The following PIGN variants were observed in gnomAD, a reference collection of about 807,000 sequenced individuals.
The protein encoded by PIGN is phosphatidylinositol glycan anchor biosynthesis class N.
A neutral mutation model predicts 125.4 loss-of-function variants in PIGN; 117 were observed. The observed-to-expected ratio is 0.93, with a 90% CI of 0.80 to 1.09. PIGN has a LOEUF of 1.09. Among genes scored for constraint, PIGN ranks in the 50% least tolerant of loss-of-function variants. PIGN has a pLI of 0.00. For synonymous variants in PIGN, 392 were observed against 377.8 expected (o/e 1.04, Z -0.44); for missense variants, 1,075 against 1,094.9 (o/e 0.98, Z 0.26).
chr18:62,109,099 GT>G (rs376723952), intron 17 of PIGN, among the ~76,000 whole-genome samples: 17 of 152,256 alleles, frequency 1.1e-4, no homozygotes, highest in South Asian at 4.1e-4. Context: ...CCATGACTAA[GT>G]TTAAATTATA....
intron 14 of PIGN, among the ~76,000 whole-genome samples, chr18:62,121,679 T>C (rs2035311148): frequency 6.6e-6 from 1 of 152,166 alleles, no homozygotes; most frequent in Non-Finnish European, 1.5e-5. Context: ...TCCACTCATG[T>C]TGCTGCCAGT....
Position 62,102,811 on chromosome 18 carries a change from A to ATAGC in PIGN, c.1947_1950dup (p.Leu651AlafsTer20). On this transcript the variant is annotated frameshift_variant, in exon 21 of 31. Coordinates refer to ENST00000640252, the MANE Select transcript of PIGN (RefSeq NM_176787.5). LOFTEE classifies it high-confidence loss of function. ...TAACTGACCTGTAACAGATGTACCA[A>ATAGC]TAGCTCTTCCTTTATAAAGCTATCT... 6.5e-7 allele frequency: 1 copy of ATAGC among 1,535,130 alleles called. No individual in the cohort carries two copies. The highest frequency in any genetic ancestry group is 8.9e-7 in the Non-Finnish European group (1 of 1,125,800).
Position 62,132,942 on chromosome 18 carries a change from TAC to T in PIGN, c.1172+5299_1172+5300del, listed in dbSNP as rs546637335. 3.5e-3 allele frequency among the ~76,000 whole-genome samples: 536 copies of T among 152,300 alleles called. 1 individual carries two copies. The highest frequency in any genetic ancestry group is 6.1e-3 in the Non-Finnish European group (416 of 68,018). ...CCTTCAGTCAAAACCAAATCCCATA[TAC>T]AGATTGTCCCAAACTTATGAGAGTT... On this transcript the variant is annotated intron_variant, in intron 14 of 30. Transcript: ENST00000640252.
At chr18:62,167,018 G>A (rs190040617) in intron 1 of PIGN, among the ~76,000 whole-genome samples, 6 of 152,264 alleles carry the variant, frequency 3.9e-5, no homozygotes, top group Middle Eastern at 3.4e-3. Flanking sequence ...GTATACCTAC[G>A]TAACAAACCT....
chr18:62,045,750 G>T lies in PIGN; in HGVS notation c.*106C>A. On this transcript the variant is annotated 3_prime_UTR_variant, in exon 31 of 31. Coordinates refer to ENST00000640252, the MANE Select transcript of PIGN (RefSeq NM_176787.5). ...TCCAAATACCATTTTCCTTACAGGA[G>T]TAGAATATACTATATATCCATATCC... 1.9e-6 allele frequency: 2 copies of T among 1,064,982 alleles called. No homozygotes were observed. The highest frequency in any genetic ancestry group is 2.7e-6 in the Non-Finnish European group (2 of 740,930). 66.0% of individuals were successfully genotyped at this position (1,064,982 alleles called of 1,614,324 possible).
Position 62,165,752 on chromosome 18 carries a change from G to A in PIGN, c.-235-2096C>T, listed in dbSNP as rs116737905. 1.4e-3 allele frequency among the ~76,000 whole-genome samples: 206 copies of A among 152,262 alleles called. 1 individual carries two copies. Among genetic ancestry groups the A allele is most frequent in the African/African-American group, 4.3e-3 (178 of 41,554 alleles). ...AAATTAAAAGAACAGTGATTCAAGC[G>A]TGAAGGGTGTGGTTAACTGTCAGAT... is the stretch of plus-strand genomic sequence containing the variant. On this transcript the variant is annotated intron_variant, in intron 1 of 30. Coordinates refer to ENST00000640252, the MANE Select transcript of PIGN (RefSeq NM_176787.5).
rs889865588 is a variant in PIGN at position 62,045,745 on chromosome 18, C to T, written c.*111G>A. On this transcript the variant is annotated 3_prime_UTR_variant, in exon 31 of 31. Coordinates refer to ENST00000640252, the MANE Select transcript of PIGN (RefSeq NM_176787.5). Reference sequence around the variant, plus strand: ...GGAATTCCAAATACCATTTTCCTTACAGGAGTAGAATATACTATATATCCA... The same window carrying T: ...GGAATTCCAAATACCATTTTCCTTATAGGAGTAGAATATACTATATATCCA... The T allele has an allele frequency of 1.0e-6, 1 of 983,642 alleles. No homozygotes were observed. Among genetic ancestry groups the T allele is most frequent in the Non-Finnish European group, 1.5e-6 (1 of 686,292 alleles). The allele number at this position is 983,642 out of a possible 1,614,324, so 60.9% of individuals were successfully genotyped here.
At chr18:62,132,192 TA>T (rs1388163159) in intron 14 of PIGN, among the ~76,000 whole-genome samples, 3 of 152,040 alleles carry the variant, frequency 2.0e-5, no homozygotes, top group African/African-American at 7.2e-5. Context: ...TGTGCATATA[TA>T]AAAGTGATTA....
Position 62,051,899 on chromosome 18 carries a change from G to A in PIGN, c.2673-5920C>T, listed in dbSNP as rs574338991. On this transcript the variant is annotated intron_variant, in intron 30 of 30. Transcript: ENST00000640252. ...TGTGTCCCAGAGATTCTGGTATGTT[G>A]TGTCTTTGTTCTCATTGGTTTCAAA... is the stretch of plus-strand genomic sequence containing the variant. 146 of 152,050 alleles carry A rather than the reference G, an allele frequency of 9.6e-4. 1 individual carries two copies. The highest frequency in any genetic ancestry group is 3.4e-3 in the African/African-American group (142 of 41,522). The allele number at this position is 152,050 out of a possible 1,614,324, so 9.4% of individuals were successfully genotyped here.
chr18:62,108,121 G>A (rs1191584870), intron 17 of PIGN, among the ~76,000 whole-genome samples: 1 of 152,116 alleles, frequency 6.6e-6, no homozygotes, highest in Non-Finnish European at 1.5e-5. Flanking sequence ...GTGCCATGTA[G>A]GAAAGAAAAG....
At chr18:62,038,416 C>T (rs374303467), downstream of PIGN, among the ~76,000 whole-genome samples, 2 of 143,732 alleles carry the variant, frequency 1.4e-5, no homozygotes, top group African/African-American at 5.2e-5. Flanking sequence ...ATGTTAGAAA[C>T]TTTCTCTCAG....
chr18:62,104,093 T>G (rs1055489543), intron 20 of PIGN, among the ~76,000 whole-genome samples: 1 of 152,038 alleles, frequency 6.6e-6, no homozygotes, highest in Non-Finnish European at 1.5e-5. Context: ...AAAAGGAGAG[T>G]AGAAATTTCC....
At chr18:62,120,449 A>G (rs2146746959) in intron 14 of PIGN, among the ~76,000 whole-genome samples, 1 of 152,348 alleles carries the variant, frequency 6.6e-6, no homozygotes, top group African/African-American at 2.4e-5. Context: ...TATCATAGAC[A>G]AGAAATACAG....
chr18:62,098,115 T>C (rs2034286427), intron 22 of PIGN, among the ~76,000 whole-genome samples: 1 of 152,368 alleles, frequency 6.6e-6, no homozygotes, highest in East Asian at 1.9e-4. Flanking sequence ...ATTTCACCTA[T>C]ACAATGTTCC....
In PIGN at chr18:62,146,128, G is replaced by A. The variant is rs902560884; in HGVS notation, c.806-103C>T. ...GTTTTAAAGAGTTGATCCATATATAGTTAATTCTAGTGACTACATTACCAA... is the reference window on the plus strand; with the variant it reads ...GTTTTAAAGAGTTGATCCATATATAATTAATTCTAGTGACTACATTACCAA... On this transcript the variant is annotated intron_variant, in intron 9 of 30. Transcript: ENST00000640252. 1.9e-5 allele frequency: 9 copies of A among 477,806 alleles called. No homozygotes were observed. In the South Asian group the frequency reaches 4.1e-4, roughly 22 times the overall value. 29.6% of individuals were successfully genotyped at this position (477,806 alleles called of 1,614,324 possible). A position where few individuals can be genotyped will look rare whatever the true frequency, so the allele number is the denominator to read the frequency against.
intron 1 of PIGN, among the ~76,000 whole-genome samples, chr18:62,165,672 A>G (rs1037258928): frequency 6.6e-6 from 1 of 152,196 alleles, no homozygotes; most frequent in Admixed American, 6.5e-5. Flanking sequence ...CCACTACTAG[A>G]GACAGAAAAA....
At chr18:62,126,500 G>T (rs2035540915) in intron 14 of PIGN, among the ~76,000 whole-genome samples, 1 of 152,118 alleles carries the variant, frequency 6.6e-6, no homozygotes, top group Middle Eastern at 3.2e-3. Flanking sequence ...ATGCTTATAT[G>T]TGCTTAAAAG....
rs1387981952 is a variant in PIGN, at chr18:62,113,066, TC to T, written c.1434+67del. 15 of 1,197,314 alleles carry T rather than the reference TC, an allele frequency of 1.3e-5. No individual in the cohort carries two copies. The Admixed American group carries it at 2.8e-4, about 23-fold the overall frequency. The allele number at this position is 1,197,314 out of a possible 1,614,324, so 74.2% of individuals were successfully genotyped here. ...ACAATGACTTGCACATCCTATAAACTCATTACACTGGATTCAGTACTAGTGA... is the reference window on the plus strand; with the variant it reads ...ACAATGACTTGCACATCCTATAAACTATTACACTGGATTCAGTACTAGTGA... On this transcript the variant is annotated intron_variant, in intron 16 of 30. Coordinates refer to ENST00000640252, the MANE Select transcript of PIGN (RefSeq NM_176787.5).
At chr18:62,082,837 T>C (rs2033513810) in intron 27 of PIGN, 91 bp from the exon 28 acceptor site, 3 of 713,718 alleles carry the variant, frequency 4.2e-6, no homozygotes, top group South Asian at 1.8e-5. Context: ...AGAAATATTT[T>C]CAATTTCTCA....
Sources: gnomAD v4.1 joint callset for allele counts (sites outside exome capture counted in the v4.1 genomes callset) on GRCh38, gnomAD v4.1.1 for gene constraint, MANE v1.5 for transcripts, NCBI Gene and HGNC (gene_info 2026-07-23, HGNC 2026-07-21) for gene names.